The following NTRK2 variants were observed in gnomAD, a reference collection of about 807,000 sequenced individuals.
NTRK2 encodes neurotrophic receptor tyrosine kinase 2.
NTRK2 carries 13 observed loss-of-function variants against 94.5 expected under a neutral mutation model. The observed-to-expected ratio is 0.14, with a 90% CI of 0.09 to 0.22. The LOEUF (loss-of-function observed/expected upper bound fraction) is 0.22, where lower values mean the gene tolerates loss of function less well. NTRK2 is among the 10% of genes least tolerant of loss of function. NTRK2 has a pLI of 1.00. For missense variants in NTRK2, 639 were observed against 1,071.2 expected (o/e 0.60, Z 5.63); for synonymous variants, 372 against 407.4 (o/e 0.91, Z 1.05).
intron 2 of NTRK2, among the ~76,000 whole-genome samples, chr9:84,689,358 G>C (rs113796516): frequency 6.6e-6 from 1 of 152,152 alleles, no homozygotes; most frequent in African/African-American, 2.4e-5. Context: ...TTAACCATTC[G>C]TGTGCTGAGC....
intron 17 of NTRK2, among the ~76,000 whole-genome samples, chr9:84,983,062 G>A (rs1827852871): frequency 6.6e-6 from 1 of 152,058 alleles, no homozygotes; most frequent in Non-Finnish European, 1.5e-5. Flanking sequence ...AATAGGTCTT[G>A]GTAATGAGAT....
chr9:84,694,124 C>T (rs2060216433), intron 2 of NTRK2, among the ~76,000 whole-genome samples: 1 of 152,184 alleles, frequency 6.6e-6, no homozygotes, highest in Admixed American at 6.5e-5. Flanking sequence ...GAGCGTGGTA[C>T]AGTGGCTATG....
At chr9:84,670,981 C>T in intron 2 of NTRK2, 21 bp downstream of exon 2, 1 of 1,598,910 alleles carries the variant, frequency 6.3e-7, no homozygotes, top group South Asian at 1.1e-5. Context: ...GGAGCTTTTC[C>T]TCCTTTTTCT....
At chr9:84,832,046 T>C (rs11140777) in intron 12 of NTRK2, among the ~76,000 whole-genome samples, 75,991 of 152,092 alleles carry the variant, frequency 0.5, 19,172 homozygotes, top group African/African-American at 0.55. Context: ...ATAGTTGTTT[T>C]CTAAATACGA....
intron 14 of NTRK2, chr9:84,874,749 G>A (rs998019520): frequency 3.2e-5 from 34 of 1,060,636 alleles, no homozygotes; most frequent in African/African-American, 2.6e-4. Flanking sequence ...GCAGCCCGAG[G>A]AGGAGATGAA....
chr9:85,004,056 A>G (rs1429552639), intron 17 of NTRK2, among the ~76,000 whole-genome samples: 3 of 86,102 alleles, frequency 3.5e-5, no homozygotes, highest in Non-Finnish European at 8.0e-5. Flanking sequence ...GGAGAAAGAG[A>G]AAGAAAGGAG....
chr9:85,021,507 A>G lies in NTRK2; in HGVS notation c.*70A>G. On this transcript the variant is annotated 3_prime_UTR_variant, in exon 19 of 19. Transcript: ENST00000277120. ...GGGCTGAGAGGATGAACATCTTTTA[A>G]CTGCCGCTGGAGGCCACCAAGCTGC... The G allele has an allele frequency of 6.6e-7, 1 of 1,513,970 alleles. No individual in the cohort carries two copies. Among genetic ancestry groups the G allele is most frequent in the Non-Finnish European group, 9.2e-7 (1 of 1,090,206 alleles). The allele number at this position is 1,513,970 out of a possible 1,614,324, so 93.8% of individuals were successfully genotyped here.
At chr9:84,759,173 G>A (rs1259691822) in intron 12 of NTRK2, among the ~76,000 whole-genome samples, 3 of 152,232 alleles carry the variant, frequency 2.0e-5, no homozygotes, top group Non-Finnish European at 2.9e-5. Flanking sequence ...ATTAGTCCAA[G>A]TGTTCCTTTT....
At chr9:84,937,407 G>A (rs937479905) in intron 15 of NTRK2, among the ~76,000 whole-genome samples, 6 of 152,142 alleles carry the variant, frequency 3.9e-5, no homozygotes, top group African/African-American at 7.2e-5. Context: ...AAGGCTTTAC[G>A]TTCAGATTGA....
chr9:84,771,141 C>T (rs528205497), intron 12 of NTRK2, among the ~76,000 whole-genome samples: 4 of 152,018 alleles, frequency 2.6e-5, no homozygotes, highest in African/African-American at 7.3e-5. Flanking sequence ...GACTTTTGTG[C>T]GATGTTTGAC....
chr9:84,699,412 G>T (rs1227577279), intron 2 of NTRK2, among the ~76,000 whole-genome samples: 1 of 151,992 alleles, frequency 6.6e-6, no homozygotes, highest in Non-Finnish European at 1.5e-5. Flanking sequence ...ATTTATCCAG[G>T]GCATTCTTGC....
chr9:84,749,057 C>T (rs985277155), intron 11 of NTRK2, among the ~76,000 whole-genome samples: 3 of 152,078 alleles, frequency 2.0e-5, no homozygotes, highest in Non-Finnish European at 2.9e-5. Flanking sequence ...GGAGAAACCC[C>T]GTCTCTACTA....
intron 10 of NTRK2, 41 bp from the exon 11 acceptor site, chr9:84,744,932 C>A: frequency 7.2e-7 from 1 of 1,395,878 alleles, no homozygotes; most frequent in Non-Finnish European, 1.0e-6. Context: ...AGCTTAATGA[C>A]AACTTCATGT....
intron 12 of NTRK2, among the ~76,000 whole-genome samples, chr9:84,858,156 C>G (rs1472250933): frequency 6.6e-6 from 1 of 152,058 alleles, no homozygotes; most frequent in Non-Finnish European, 1.5e-5. Flanking sequence ...TTCACCTTCC[C>G]CTTCCCCAAT....
chr9:84,967,100 G>A (rs1384277182), intron 17 of NTRK2, among the ~76,000 whole-genome samples: 1 of 152,200 alleles, frequency 6.6e-6, no homozygotes, highest in Non-Finnish European at 1.5e-5. Flanking sequence ...TAAACGAAGT[G>A]CTATTTGAGG....
intron 12 of NTRK2, among the ~76,000 whole-genome samples, chr9:84,758,703 T>C (rs1168814312): frequency 6.6e-6 from 1 of 152,224 alleles, no homozygotes; most frequent in Non-Finnish European, 1.5e-5. Context: ...TTTGTAATTA[T>C]TTTATTAAAC....
intron 17 of NTRK2, among the ~76,000 whole-genome samples, chr9:84,997,570 G>A (rs1272416078): frequency 6.6e-6 from 1 of 152,190 alleles, no homozygotes; most frequent in Admixed American, 6.5e-5. Flanking sequence ...GTGTTGAGCT[G>A]TGAGATAGGG....
At position 84,742,956 on chromosome 9, in the gene NTRK2, A is replaced by G. The variant is rs115178488; in HGVS notation, c.1195+1029A>G. Among the ~76,000 whole-genome samples, 749 of 149,558 alleles carry G rather than the reference A, an allele frequency of 5.0e-3. 5 individuals carry two copies. The highest frequency in any genetic ancestry group is 0.017 in the African/African-American group (703 of 40,978). ...GCTGGGATTACAAGCACGTGCCACC[A>G]CACTCGGCTAATTCTTATATTTTTA... On this transcript the variant is annotated intron_variant, in intron 10 of 18. Transcript: ENST00000277120.
chr9:84,897,197 C>T (rs1290497556), intron 14 of NTRK2, among the ~76,000 whole-genome samples: 1 of 152,080 alleles, frequency 6.6e-6, no homozygotes, highest in Non-Finnish European at 1.5e-5. Flanking sequence ...AGTGCAGTGG[C>T]ACAATCTCCA....
Sources: allele counts gnomAD v4.1 joint callset (sites outside exome capture counted in the v4.1 genomes callset), GRCh38; gene constraint gnomAD v4.1.1; transcripts MANE v1.5; gene names NCBI Gene and HGNC (gene_info 2026-07-23, HGNC 2026-07-21).